XDH: variants seen among roughly 807,000 people sequenced by gnomAD.
The protein encoded by XDH is xanthine dehydrogenase/oxidase.
XDH carries 138 observed loss-of-function variants against 156.1 expected under a neutral mutation model. The observed-to-expected ratio is 0.88, with a 90% confidence interval of 0.77 to 1.02. The LOEUF is 1.02. Ranked by LOEUF, XDH falls within the 50% of genes least tolerant of loss-of-function variation. The probability of loss-of-function intolerance (pLI) is 0.00; values close to 1 mark genes in which losing one functional copy is unlikely to be tolerated. For synonymous variants in XDH, 669 were observed against 625.7 expected (o/e 1.07, Z -1.03); for missense variants, 1,849 against 1,684.9 (o/e 1.10, Z -1.71).
chr2:31,392,926 TG>T (rs1558310901), intron 6 of XDH, among the ~76,000 whole-genome samples: 1 of 152,214 alleles, frequency 6.6e-6, no homozygotes, highest in Admixed American at 6.5e-5. Flanking sequence ...TTCAAGCATT[TG>T]GGGGTTTTCC....
At chr2:31,343,341 T>C (rs1319490951) in intron 31 of XDH, among the ~76,000 whole-genome samples, 3 of 144,350 alleles carry the variant, frequency 2.1e-5, no homozygotes, top group African/African-American at 5.1e-5. Flanking sequence ...TGTTTATACA[T>C]ATATATGCCT....
In XDH at chr2:31,379,944, A is replaced by G; in HGVS notation, c.1165T>C (p.Phe389Leu). The change falls in exon 13 of 36, where the codon TTC (phenylalanine) becomes CTC (leucine). Residue 389 changes from phenylalanine to leucine, a missense_variant. Coordinates refer to ENST00000379416, the MANE Select transcript of XDH (RefSeq NM_000379.4). ...TRRTVQMDHTFFPGYRKTLLS... is the reference protein window; with the variant it reads ...TRRTVQMDHTLFPGYRKTLLS... ...AGGGTCTTTCTGTAGCCAGGGAAGAAGGTGTGGTCCATCTGGACAGTTCTC... is the reference window on the plus strand; with the variant it reads ...AGGGTCTTTCTGTAGCCAGGGAAGAGGGTGTGGTCCATCTGGACAGTTCTC... 2 of 1,614,066 alleles carry G rather than the reference A, an allele frequency of 1.2e-6. No homozygotes were observed. Among genetic ancestry groups the G allele is most frequent in the Non-Finnish European group, 1.7e-6 (2 of 1,180,014 alleles).
At chr2:31,356,052 G>A (rs1572523244) in intron 24 of XDH, among the ~76,000 whole-genome samples, 1 of 152,122 alleles carries the variant, frequency 6.6e-6, no homozygotes, top group Non-Finnish European at 1.5e-5. Context: ...AATGATAAAA[G>A]TGTCAATCCT....
Position 31,394,921 on chromosome 2 carries a change from C to G in XDH, c.495+2747G>C, listed in dbSNP as rs576897213. Among the ~76,000 whole-genome samples the G allele has an allele frequency of 3.3e-5, 5 of 152,266 alleles. No homozygotes were observed. In the South Asian group the frequency reaches 1.0e-3, roughly 32 times the overall value. On this transcript the variant is annotated intron_variant, in intron 6 of 35. Coordinates refer to ENST00000379416, the MANE Select transcript of XDH (RefSeq NM_000379.4). Reference sequence around the variant, plus strand: ...AATTTCCGTTCTCTGCTTACATTATCCATCTGTTTTTGTATGTTATCTATT... The same window carrying G: ...AATTTCCGTTCTCTGCTTACATTATGCATCTGTTTTTGTATGTTATCTATT...
intron 18 of XDH, among the ~76,000 whole-genome samples, chr2:31,368,890 G>T: frequency 6.6e-6 from 1 of 152,162 alleles, no homozygotes; most frequent in East Asian, 1.9e-4. Flanking sequence ...AGTACTGGCA[G>T]ACTATTGAGA....
intron 24 of XDH, among the ~76,000 whole-genome samples, chr2:31,355,921 T>C (rs1386858864): frequency 6.6e-6 from 1 of 152,000 alleles, no homozygotes; most frequent in Non-Finnish European, 1.5e-5. Flanking sequence ...AGTAAAAGGA[T>C]GGAAAAAGAT....
intron 16 of XDH, 63 bp downstream of exon 16, chr2:31,373,810 C>T (rs1251957125): frequency 1.3e-6 from 2 of 1,553,648 alleles, no homozygotes; most frequent in African/African-American, 2.7e-5. Flanking sequence ...GATGGTCAGC[C>T]ACTAGCCAAC....
intron 11 of XDH, among the ~76,000 whole-genome samples, chr2:31,382,604 T>C (rs1686468383): frequency 1.3e-5 from 2 of 152,138 alleles, no homozygotes; most frequent in African/African-American, 4.8e-5. Context: ...TGAAAGGAAA[T>C]TCCCCTCTCA....
At chr2:31,374,065 C>T in intron 15 of XDH, 109 bp from the exon 16 acceptor site, 1 of 1,124,436 alleles carries the variant, frequency 8.9e-7, no homozygotes, top group Non-Finnish European at 1.3e-6. Flanking sequence ...CTTGTCTCTT[C>T]ACTTCATACG....
At chr2:31,385,108 A>G (rs1572552879) in intron 9 of XDH, among the ~76,000 whole-genome samples, 1 of 152,008 alleles carries the variant, frequency 6.6e-6, no homozygotes. Context: ...GGGGTGGGGG[A>G]CCACATGAGC....
chr2:31,388,334 A>G lies in XDH; in HGVS notation c.496-39T>C, dbSNP rs45567339. 1,226 of 1,607,192 alleles carry G rather than the reference A, an allele frequency of 7.6e-4. 8 individuals carry two copies. The African/African-American group carries it at 0.015, about 20-fold the overall frequency. On this transcript the variant is annotated intron_variant, in intron 6 of 35. Transcript: ENST00000379416. Reference sequence around the variant, plus strand: ...GAACATCTGCACAAGGGTATTTACAAAGAGTATTTGCAGAAGCTAAGGAAT... The same window carrying G: ...GAACATCTGCACAAGGGTATTTACAGAGAGTATTTGCAGAAGCTAAGGAAT...
At chr2:31,374,102 G>T in intron 15 of XDH, 146 bp from the exon 16 acceptor site, 1 of 806,782 alleles carries the variant, frequency 1.2e-6, no homozygotes, top group Non-Finnish European at 2.0e-6. Context: ...GGATCTCTCA[G>T]CATCCAAACA....
At chr2:31,399,825 C>T (rs898553789) in intron 4 of XDH, among the ~76,000 whole-genome samples, 5 of 152,196 alleles carry the variant, frequency 3.3e-5, no homozygotes, top group Admixed American at 6.5e-5. Context: ...GCCTCCCCAG[C>T]CATGTGGAAC....
At chr2:31,410,381 G>T (rs1379140479) in intron 1 of XDH, among the ~76,000 whole-genome samples, 1 of 152,072 alleles carries the variant, frequency 6.6e-6, no homozygotes, top group Non-Finnish European at 1.5e-5. Context: ...TAAATTTTAT[G>T]TATTTTACCA....
At chr2:31,388,675 C>T (rs1296495706) in intron 6 of XDH, among the ~76,000 whole-genome samples, 1 of 152,166 alleles carries the variant, frequency 6.6e-6, no homozygotes, top group Non-Finnish European at 1.5e-5. Flanking sequence ...ACTCAAGAGG[C>T]TTGACTTCCA....
At position 31,375,527 on chromosome 2, in the gene XDH, G is replaced by T; in HGVS notation, c.1455C>A (p.Asp485Glu). Residue 485 changes from aspartate to glutamate, a missense_variant, in exon 15 of 36, where the codon GAC becomes GAA. Coordinates refer to ENST00000379416, the MANE Select transcript of XDH (RefSeq NM_000379.4). ...GCTCCTCTGCCAGTCCTGCACACAC[G>T]TCCTGCAGCAGCTCCTCCTTCCAGA... ...SKLWKEELLQ[D>E]VCAGLAEELH... 6.2e-7 allele frequency: 1 copy of T among 1,613,840 alleles called. No homozygotes were observed. The highest frequency in any genetic ancestry group is 8.5e-7 in the Non-Finnish European group (1 of 1,180,040).
intron 24 of XDH, among the ~76,000 whole-genome samples, chr2:31,355,893 T>C (rs149135127): frequency 5.8e-4 from 88 of 152,242 alleles, no homozygotes; most frequent in African/African-American, 1.9e-3. Flanking sequence ...TCAAATATAA[T>C]AATGTAGGCA....
chr2:31,393,793 CT>C (rs1283644720), intron 6 of XDH, among the ~76,000 whole-genome samples: 1 of 88,996 alleles, frequency 1.1e-5, no homozygotes, highest in Non-Finnish European at 2.2e-5. Flanking sequence ...ATTATACTTC[CT>C]TTTTTCTTTT....
intron 3 of XDH, among the ~76,000 whole-genome samples, chr2:31,402,244 A>C (rs1306729192): frequency 6.6e-6 from 1 of 152,224 alleles, no homozygotes; most frequent in Non-Finnish European, 1.5e-5. Context: ...AGTGGGATAG[A>C]CCAAGTAAGG....
Sources: allele counts gnomAD v4.1 joint callset (sites outside exome capture counted in the v4.1 genomes callset), GRCh38; gene constraint gnomAD v4.1.1; transcripts MANE v1.5; gene names NCBI Gene and HGNC (gene_info 2026-07-23, HGNC 2026-07-21).